Variants in EFNA5 observed in about 807,000 individuals in gnomAD.
EFNA5 encodes the protein ephrin-A5.
Under a neutral mutation model 22.9 loss-of-function variants are expected in EFNA5, and 5 were observed. The ratio of observed to expected loss-of-function variants is 0.22; its 90% CI spans 0.11 to 0.46. The LOEUF is 0.46. Ranked by LOEUF, EFNA5 falls within the 20% of genes least tolerant of loss-of-function variation. EFNA5 has a pLI of 0.99. For missense variants in EFNA5, 237 were observed against 293.3 expected (o/e 0.81, Z 1.40); for synonymous variants, 113 against 112.2 (o/e 1.01, Z -0.04).
chr5:107,433,701 C>G (rs984455286), intron 1 of EFNA5, among the ~76,000 whole-genome samples: 2 of 152,006 alleles, frequency 1.3e-5, no homozygotes, highest in African/African-American at 4.8e-5. Context: ...TTTGAGCCAG[C>G]CTGGGCAATA....
At chr5:107,620,608 A>G (rs1166821358) in intron 1 of EFNA5, among the ~76,000 whole-genome samples, 1 of 152,236 alleles carries the variant, frequency 6.6e-6, no homozygotes, top group East Asian at 1.9e-4. Flanking sequence ...ACACTGCAAA[A>G]GACCCTTATT....
chr5:107,514,125 T>C (rs1314846874), intron 1 of EFNA5, among the ~76,000 whole-genome samples: 1 of 152,240 alleles, frequency 6.6e-6, no homozygotes, highest in Non-Finnish European at 1.5e-5. Flanking sequence ...TTTAGCTATG[T>C]ATTTTGCCAC....
chr5:107,616,942 C>T (rs1749929269), intron 1 of EFNA5, among the ~76,000 whole-genome samples: 2 of 152,046 alleles, frequency 1.3e-5, no homozygotes, highest in South Asian at 4.2e-4. Context: ...ATCAGGGGAT[C>T]AATTTCTACT....
intron 1 of EFNA5, among the ~76,000 whole-genome samples, chr5:107,482,886 A>G (rs1750524611): frequency 6.7e-6 from 1 of 148,954 alleles, no homozygotes. Context: ...ATATATATAT[A>G]TATATATACA....
intron 1 of EFNA5, among the ~76,000 whole-genome samples, chr5:107,452,878 G>C (rs1018242165): frequency 6.6e-6 from 1 of 152,084 alleles, no homozygotes; most frequent in Admixed American, 6.5e-5. Flanking sequence ...ACACAGAAAG[G>C]CTTAACTCCA....
chr5:107,451,096 TA>T (rs1749548482), intron 1 of EFNA5, among the ~76,000 whole-genome samples: 1 of 152,254 alleles, frequency 6.6e-6, no homozygotes, highest in Non-Finnish European at 1.5e-5. Context: ...ATTAGACTAT[TA>T]AAAGTTTATG....
At chr5:107,390,171 C>CA (rs1232620288) in intron 2 of EFNA5, among the ~76,000 whole-genome samples, 5 of 152,110 alleles carry the variant, frequency 3.3e-5, no homozygotes, top group Admixed American at 2.6e-4. Flanking sequence ...AACAAACAAA[C>CA]AAAAAAATCC....
intron 1 of EFNA5, among the ~76,000 whole-genome samples, chr5:107,523,979 T>A (rs1747646462): frequency 6.6e-6 from 1 of 152,266 alleles, no homozygotes. Flanking sequence ...GGGTTCTGAA[T>A]GAATATCTTT....
chr5:107,569,578 T>TAA (rs1195379101), intron 1 of EFNA5, among the ~76,000 whole-genome samples: 1 of 25,570 alleles, frequency 3.9e-5, no homozygotes, highest in East Asian at 5.2e-4. Context: ...TATATATATA[T>TAA]ATATATATAT....
chr5:107,540,990 C>T (rs559680907), intron 1 of EFNA5, among the ~76,000 whole-genome samples: 1 of 152,138 alleles, frequency 6.6e-6, no homozygotes, highest in Admixed American at 6.5e-5. Flanking sequence ...GCCTGTAATC[C>T]CAGCTACTCG....
At chr5:107,610,038 AG>A (rs1248685991) in intron 1 of EFNA5, among the ~76,000 whole-genome samples, 1 of 151,640 alleles carries the variant, frequency 6.6e-6, no homozygotes, top group African/African-American at 2.4e-5. Flanking sequence ...TGGGAATGGG[AG>A]GGAATCCCAC....
Position 107,380,486 on chromosome 5 carries a change from A to T in EFNA5, c.*769T>A. 1 of 227,168 alleles carries T rather than the reference A, an allele frequency of 4.4e-6. No homozygotes were observed. The highest frequency in any genetic ancestry group is 8.5e-6 in the Non-Finnish European group (1 of 118,326). 14.1% of individuals were successfully genotyped at this position (227,168 alleles called of 1,614,324 possible). ...ACTGCCCAGTCACCAAAAAAATTAG[A>T]GGCACTCACACATACACACCCCCAG... On this transcript the variant is annotated 3_prime_UTR_variant, in exon 5 of 5. Transcript: ENST00000333274.
chr5:107,639,079 A>T (rs1188393117), intron 1 of EFNA5, among the ~76,000 whole-genome samples: 2 of 152,246 alleles, frequency 1.3e-5, no homozygotes. Flanking sequence ...CAGTTATAAA[A>T]GCGTTTCATT....
chr5:107,556,785 T>TAAATA (rs200854665), intron 1 of EFNA5, among the ~76,000 whole-genome samples: 27,188 of 141,492 alleles, frequency 0.19, 2,896 homozygotes, highest in South Asian at 0.31. Flanking sequence ...AATAAATAAA[T>TAAATA]AAATAAAATA....
rs1452874795 is a variant in EFNA5 at position 107,380,262 on chromosome 5, A to G, written c.*993T>C. The G allele has an allele frequency of 6.6e-6, 1 of 151,588 alleles. No homozygotes were observed. Among genetic ancestry groups the G allele is most frequent in the East Asian group, 2.0e-4 (1 of 5,122 alleles). 9.4% of individuals were successfully genotyped at this position (151,588 alleles called of 1,614,324 possible). On this transcript the variant is annotated 3_prime_UTR_variant, in exon 5 of 5. Transcript: ENST00000333274. ...GCCACTGCGGTCCTCTCCTTGGTACATGTCATCCCCCAGAGGAGTATCCAA... is the reference window on the plus strand; with the variant it reads ...GCCACTGCGGTCCTCTCCTTGGTACGTGTCATCCCCCAGAGGAGTATCCAA...
chr5:107,384,894 G>A (rs1037559034), intron 4 of EFNA5, among the ~76,000 whole-genome samples: 4 of 149,484 alleles, frequency 2.7e-5, no homozygotes, highest in African/African-American at 9.9e-5. Context: ...GATTATAGGT[G>A]TGAGGCACAG....
intron 2 of EFNA5, among the ~76,000 whole-genome samples, chr5:107,389,886 T>C (rs1159506438): frequency 6.6e-6 from 1 of 152,232 alleles, no homozygotes; most frequent in Non-Finnish European, 1.5e-5. Context: ...CCTGCCCCAC[T>C]ACTTCCTCAT....
chr5:107,390,089 C>G (rs1278987390), intron 2 of EFNA5, among the ~76,000 whole-genome samples: 2 of 152,182 alleles, frequency 1.3e-5, no homozygotes, highest in Non-Finnish European at 2.9e-5. Context: ...AACTCCTAAC[C>G]CTTACAGCCA....
At position 107,483,035 on chromosome 5, in the gene EFNA5, G is replaced by A. The variant is rs368353420; in HGVS notation, c.126-55526C>T. ...CTCATGAACCTCGGGAAAACAATTC[G>A]TAGAACTAATTAGTTTACAGTGTTT... On this transcript the variant is annotated intron_variant, in intron 1 of 4. Coordinates refer to ENST00000333274, the MANE Select transcript of EFNA5 (RefSeq NM_001962.3). Among the ~76,000 whole-genome samples the A allele has an allele frequency of 3.3e-5, 5 of 152,120 alleles. No individual in the cohort carries two copies. The East Asian group carries it at 5.8e-4, about 18-fold the overall frequency.
Sources: gnomAD v4.1 joint callset for allele counts (sites outside exome capture counted in the v4.1 genomes callset) on GRCh38, gnomAD v4.1.1 for gene constraint, MANE v1.5 for transcripts, NCBI Gene and HGNC (gene_info 2026-07-23, HGNC 2026-07-21) for gene names.